Variants in CELSR1 observed in about 807,000 individuals in gnomAD.
CELSR1 encodes adhesion G protein-coupled receptor C1.
CELSR1 carries 110 observed loss-of-function variants against 249.1 expected under a neutral mutation model. That is an observed-to-expected ratio of 0.44 (90% CI 0.38 to 0.52). The LOEUF is 0.52. Ranked by LOEUF, CELSR1 falls within the 20% of genes least tolerant of loss-of-function variation. The pLI is 0.00. For missense variants in CELSR1, 4,109 were observed against 4,296.4 expected, an observed-to-expected ratio of 0.96 and a Z score of 1.22; for synonymous variants, 2,113 against 1,900.0, an observed-to-expected ratio of 1.11 and a Z score of -2.92.
In CELSR1 at chr22:46,436,903, G is replaced by A. The variant is rs1044167794; in HGVS notation, c.4407-614C>T. ...GCCCTGACTCATTGTACTCTACCTT[G>A]CCCTTACCTCCCATCAGCCTATGAC... is the stretch of plus-strand genomic sequence containing the variant. On this transcript the variant is annotated intron_variant, in intron 3 of 34. Transcript: ENST00000674500. The surrounding 1 kb of genome is among the most constrained non-coding windows in gnomAD (Gnocchi z 5.9). 1.3e-5 allele frequency among the ~76,000 whole-genome samples: 2 copies of A among 151,780 alleles called. No individual in the cohort carries two copies. The highest frequency in any genetic ancestry group is 1.5e-5 in the Non-Finnish European group (1 of 68,018).
At position 46,535,983 on chromosome 22, in the gene CELSR1, C is replaced by A. The variant is rs776007985; in HGVS notation, c.1188G>T (p.Ala396=). 6.2e-7 allele frequency: 1 copy of A among 1,610,656 alleles called. No homozygotes were observed. Among genetic ancestry groups the A allele is most frequent in the South Asian group, 1.1e-5 (1 of 91,080 alleles). Residue 396 remains alanine, a synonymous_variant, in exon 1 of 35, where the codon GCG becomes GCT. Transcript: ENST00000674500. ...TCTCGTTGAGCTGGAAGACGTCCCACGCGCCCCCCAACACGCGGTAACGCA... is the reference window on the plus strand; with the variant it reads ...TCTCGTTGAGCTGGAAGACGTCCCAAGCGCCCCCCAACACGCGGTAACGCA... The part of the protein sequence containing the change: ...ANLRYRVLGG[A]WDVFQLNESS...
At position 46,535,480 on chromosome 22, in the gene CELSR1, A is replaced by G; in HGVS notation, c.1691T>C (p.Ile564Thr). The G allele has an allele frequency of 6.2e-7, 1 of 1,611,980 alleles. No individual in the cohort carries two copies. Among genetic ancestry groups the G allele is most frequent in the South Asian group, 1.1e-5 (1 of 90,976 alleles). The change falls in exon 1 of 35, where the codon ATC (isoleucine) becomes ACC (threonine). Residue 564 changes from isoleucine (I) to threonine (T), a missense_variant. This residue lies in a region of CELSR1 where 135 missense variants were observed against 190.0 expected (regional missense o/e 0.71). Transcript: ENST00000674500. ...QVLDVNDNEP[I>T]FVSSPFQATV... The stretch of plus-strand genomic sequence containing the variant: ...GGCCTGGAAGGGGCTGCTCACAAAG[A>G]TAGGCTCGTTGTCGTTGACATCCAG...
chr22:46,465,401 G>A (rs901032323), intron 1 of CELSR1, among the ~76,000 whole-genome samples: 2 of 151,856 alleles, frequency 1.3e-5, no homozygotes, highest in African/African-American at 4.8e-5. Flanking sequence ...ACCCCTCAGA[G>A]TCCTGGGCCT....
chr22:46,504,167 G>A (rs766272379), intron 1 of CELSR1, among the ~76,000 whole-genome samples: 19 of 152,122 alleles, frequency 1.2e-4, no homozygotes, highest in East Asian at 3.8e-4. Flanking sequence ...AATGTAAATC[G>A]ATAAAAGATA....
chr22:46,419,051 A>T (rs2079435645), intron 5 of CELSR1, among the ~76,000 whole-genome samples: 1 of 152,206 alleles, frequency 6.6e-6, no homozygotes, highest in Non-Finnish European at 1.5e-5. Flanking sequence ...ATGATCCAGC[A>T]GGGCACCGTG....
In CELSR1 at chr22:46,393,120, G is replaced by A. The variant is rs1602069867; in HGVS notation, c.5964+1022C>T. ...CCCTGGTACCAGCTTCCCTCCTAGG[G>A]CCAGCCGCATCTGCAGGAAGCTCAC... On this transcript the variant is annotated intron_variant, in intron 14 of 34. Transcript: ENST00000674500. The surrounding 1 kb of genome is among the most constrained non-coding windows in gnomAD (Gnocchi z 4.1). 5.3e-5 allele frequency among the ~76,000 whole-genome samples: 8 copies of A among 152,102 alleles called. No homozygotes were observed. Among genetic ancestry groups the A allele is most frequent in the Admixed American group, 5.2e-4 (8 of 15,276 alleles).
intron 5 of CELSR1, among the ~76,000 whole-genome samples, chr22:46,431,763 T>C (rs2079598485): frequency 6.6e-6 from 1 of 152,178 alleles, no homozygotes; most frequent in Non-Finnish European, 1.5e-5. Flanking sequence ...CGGCACCGTA[T>C]CAAGAAAAGA....
chr22:46,420,706 C>A (rs1021482251), intron 5 of CELSR1, among the ~76,000 whole-genome samples: 1 of 152,202 alleles, frequency 6.6e-6, no homozygotes, highest in Non-Finnish European at 1.5e-5. Flanking sequence ...CTAATAGTCC[C>A]CTCTCTGTCC....
intron 1 of CELSR1, among the ~76,000 whole-genome samples, chr22:46,509,813 G>A (rs1273142756): frequency 6.6e-6 from 1 of 152,296 alleles, no homozygotes; most frequent in East Asian, 1.9e-4. Context: ...AGGTGCGGCA[G>A]GGCAGTACCC....
At position 46,534,159 on chromosome 22, in the gene CELSR1, C is replaced by T. The variant is rs376398371; in HGVS notation, c.3012G>A (p.Leu1004=). The T allele has an allele frequency of 2.8e-5, 45 of 1,613,784 alleles. No homozygotes were observed. Among genetic ancestry groups the T allele is most frequent in the Non-Finnish European group, 3.6e-5 (43 of 1,180,050 alleles). ...DNAPMFEKDE[L]ELFVEENNPV... ...GGTTGTTCTCCTCAACAAACAGCTC[C>T]AGTTCGTCCTTCTCAAACATGGGGG... The change falls in exon 1 of 35, where the codon CTG becomes CTA. Residue 1004 remains leucine, a synonymous_variant. Coordinates refer to ENST00000674500, the MANE Select transcript of CELSR1 (RefSeq NM_001378328.1). This position sits in a 1 kb window ranked among gnomAD's most constrained non-coding sequence, Gnocchi z 9.7.
At chr22:46,452,381 G>A (rs898265751) in intron 2 of CELSR1, among the ~76,000 whole-genome samples, 1 of 152,210 alleles carries the variant, frequency 6.6e-6, no homozygotes, top group Non-Finnish European at 1.5e-5. Flanking sequence ...CAAACACAGC[G>A]TCTCCTGGGC....
In CELSR1 at chr22:46,410,978, C is replaced by T. The variant is rs1336039581; in HGVS notation, c.4770-417G>A. On this transcript the variant is annotated intron_variant, in intron 6 of 34. Coordinates refer to ENST00000674500, the MANE Select transcript of CELSR1 (RefSeq NM_001378328.1). This position sits in a 1 kb window ranked among gnomAD's most constrained non-coding sequence, Gnocchi z 6.8. ...AACCCAGCACTTTGGGAGGCTGAGG[C>T]GGGCAGATCACGAGGTCAAGAGATC... Among the ~76,000 whole-genome samples the T allele has an allele frequency of 7.9e-5, 12 of 152,128 alleles. No homozygotes were observed. The highest frequency in any genetic ancestry group is 2.7e-4 in the African/African-American group (11 of 41,424).
rs59845695 is a variant in CELSR1, at chr22:46,467,285, C to T, written c.3545-2940G>A. ...AACATTCAGCGACCCTAAGCTTGAG[C>T]AATCATCCTTCTGGAAGCCCAAACA... On this transcript the variant is annotated intron_variant, in intron 1 of 34. Coordinates refer to ENST00000674500, the MANE Select transcript of CELSR1 (RefSeq NM_001378328.1). 2.3e-4 allele frequency among the ~76,000 whole-genome samples: 35 copies of T among 152,286 alleles called. No homozygotes were observed. The East Asian group carries it at 6.2e-3, about 27-fold the overall frequency.
chr22:46,467,779 G>A (rs2080112898), intron 1 of CELSR1, among the ~76,000 whole-genome samples: 2 of 151,842 alleles, frequency 1.3e-5, no homozygotes, highest in South Asian at 4.2e-4. Context: ...CCGAGATCAC[G>A]CCACTGCACT....
At chr22:46,469,758 C>T (rs1183400876) in intron 1 of CELSR1, among the ~76,000 whole-genome samples, 1 of 151,024 alleles carries the variant, frequency 6.6e-6, no homozygotes, top group Admixed American at 6.6e-5. Flanking sequence ...AAGTGATCCA[C>T]CCACCTTGGC....
rs2079391667 is a variant in CELSR1 at position 46,415,673 on chromosome 22, C to T, written c.4612-3914G>A. Among the ~76,000 whole-genome samples the T allele has an allele frequency of 2.6e-5, 4 of 152,032 alleles. No individual in the cohort carries two copies. In the South Asian group the frequency reaches 8.3e-4, roughly 32 times the overall value. Reference sequence around the variant, plus strand: ...GGTGGGCATCCCCCCTCACCAGCCCCCTGCCACTCTCCACCTGAAGAACTT... The same window carrying T: ...GGTGGGCATCCCCCCTCACCAGCCCTCTGCCACTCTCCACCTGAAGAACTT... On this transcript the variant is annotated intron_variant, in intron 5 of 34. Coordinates refer to ENST00000674500, the MANE Select transcript of CELSR1 (RefSeq NM_001378328.1).
At position 46,391,437 on chromosome 22, in the gene CELSR1, A is replaced by T; in HGVS notation, c.6149-150T>A. The T allele has an allele frequency of 2.2e-6, 2 of 896,500 alleles. No homozygotes were observed. Among genetic ancestry groups the T allele is most frequent in the Non-Finnish European group, 3.3e-6 (2 of 602,810 alleles). The allele number at this position is 896,500 out of a possible 1,614,324, so 55.5% of individuals were successfully genotyped here. A position where few individuals can be genotyped will look rare whatever the true frequency, so the allele number is the denominator to read the frequency against. ...CATCTCCCCTGCCCCCATCCATGTC[A>T]GAGCTGGAGAGGGGTGACCAGGCTC... On this transcript the variant is annotated intron_variant, in intron 15 of 34. Coordinates refer to ENST00000674500, the MANE Select transcript of CELSR1 (RefSeq NM_001378328.1). This position sits in a 1 kb window ranked among gnomAD's most constrained non-coding sequence, Gnocchi z 4.3.
rs2080076228 is a variant in CELSR1 at position 46,464,561 on chromosome 22, C to CCTCT, written c.3545-217_3545-216insAGAG. On this transcript the variant is annotated intron_variant, in intron 1 of 34. Coordinates refer to ENST00000674500, the MANE Select transcript of CELSR1 (RefSeq NM_001378328.1). The surrounding 1 kb of genome is among the most constrained non-coding windows in gnomAD (Gnocchi z 8.5). ...ATGACCACCACCTTGACCCTCCCTC[C>CCTCT]TCCGGCACCCTAACCCCTGCCCTGG... 1.3e-5 allele frequency among the ~76,000 whole-genome samples: 2 copies of CCTCT among 152,082 alleles called. No homozygotes were observed. The highest frequency in any genetic ancestry group is 1.3e-4 in the Admixed American group (2 of 15,260).
rs554445287 is a variant in CELSR1 at position 46,374,492 on chromosome 22, T to A, written c.7585-1435A>T. Among the ~76,000 whole-genome samples, 13 of 152,204 alleles carry A rather than the reference T, an allele frequency of 8.5e-5. No homozygotes were observed. Among genetic ancestry groups the A allele is most frequent in the African/African-American group, 3.1e-4 (13 of 41,520 alleles). On this transcript the variant is annotated intron_variant, in intron 24 of 34. Coordinates refer to ENST00000674500, the MANE Select transcript of CELSR1 (RefSeq NM_001378328.1). The surrounding 1 kb of genome is among the most constrained non-coding windows in gnomAD (Gnocchi z 4.3). ...TCGCCCAGAGATAGGATTGTGGGTT[T>A]ACAAAAAAACCATAAAGCCCAGGCA...
Sources: gnomAD v4.1 joint callset for allele counts (sites outside exome capture counted in the v4.1 genomes callset) on GRCh38, gnomAD v4.1.1 for gene constraint, gnomAD v4.1.1 regional missense constraint, Gnocchi (gnomAD v3.1) non-coding constraint, MANE v1.5 for transcripts, NCBI Gene and HGNC (gene_info 2026-07-23, HGNC 2026-07-21) for gene names.